KLHL24: variants seen among roughly 807,000 people sequenced by gnomAD.
KLHL24 encodes the protein kelch-like protein 24.
Under a neutral mutation model 53.4 loss-of-function variants are expected in KLHL24, and 29 were observed. The ratio of observed to expected loss-of-function variants is 0.54; its 90% CI spans 0.40 to 0.74. The LOEUF is 0.74. Ranked by LOEUF, KLHL24 falls within the 30% of genes least tolerant of loss-of-function variation. The pLI, the probability that KLHL24 is intolerant of heterozygous loss-of-function variation, is 0.00. For synonymous variants in KLHL24, 222 were observed against 253.7 expected (o/e 0.88, Z 1.19); for missense variants, 504 against 744.0 (o/e 0.68, Z 3.75).
intron 3 of KLHL24, among the ~76,000 whole-genome samples, chr3:183,661,711 A>T (rs571798178): frequency 6.6e-6 from 1 of 152,324 alleles, no homozygotes; most frequent in South Asian, 2.1e-4. Flanking sequence ...TTATTGGGCT[A>T]AGAAGTCTTG....
At position 183,664,994 on chromosome 3, in the gene KLHL24, C is replaced by T; in HGVS notation, c.1179C>T (p.Leu393=). The T allele has an allele frequency of 1.2e-6, 2 of 1,611,840 alleles. No homozygotes were observed. The highest frequency in any genetic ancestry group is 1.7e-6 in the Non-Finnish European group (2 of 1,178,342). Residue 393 remains leucine, a synonymous_variant, in exon 5 of 8, where the codon CTC becomes CTT. Coordinates refer to ENST00000242810, the MANE Select transcript of KLHL24 (RefSeq NM_017644.3). The part of the protein sequence containing the change: ...QLNIWIRVAS[L]NKGRWRHKMA... ...ATATTTGGATCAGAGTTGCCTCTCT[C>T]AATAAAGGCAGATGGCGTCACAAAA... is the stretch of plus-strand genomic sequence containing the variant.
intron 3 of KLHL24, among the ~76,000 whole-genome samples, chr3:183,659,938 C>CCGTTAATAGT: frequency 6.6e-6 from 1 of 151,952 alleles, no homozygotes; most frequent in East Asian, 1.9e-4. Context: ...TGCCCAATAG[C>CCGTTAATAGT]AACCGTTAAT....
chr3:183,676,114 T>C (rs1711805912), intron 7 of KLHL24, among the ~76,000 whole-genome samples: 1 of 152,212 alleles, frequency 6.6e-6, no homozygotes, highest in African/African-American at 2.4e-5. Flanking sequence ...CTCTCCTCTG[T>C]TTATTGTTAC....
chr3:183,664,879 A>G (rs757257158), intron 4 of KLHL24, 42 bp from the exon 5 acceptor site: 3 of 1,179,366 alleles, frequency 2.5e-6, no homozygotes, highest in East Asian at 4.8e-5. Context: ...TGACAGCTAT[A>G]TCATGATAAA....
At chr3:183,655,937 T>A (rs1356641366) in intron 3 of KLHL24, among the ~76,000 whole-genome samples, 2 of 151,418 alleles carry the variant, frequency 1.3e-5, no homozygotes, top group Non-Finnish European at 2.9e-5. Context: ...TAAAAAAAAA[T>A]TATTATTAAT....
Position 183,679,618 on chromosome 3 carries a change from T to C in KLHL24, c.*332T>C, listed in dbSNP as rs1016639873. On this transcript the variant is annotated 3_prime_UTR_variant, in exon 8 of 8. Coordinates refer to ENST00000242810, the MANE Select transcript of KLHL24 (RefSeq NM_017644.3). ...AGCGTGTGAATGGTGTCTTCACTTA[T>C]TATGTATGTTTATCTGTATGTATAT... 1 of 231,770 alleles carries C rather than the reference T, an allele frequency of 4.3e-6. No homozygotes were observed. Among genetic ancestry groups the C allele is most frequent in the Non-Finnish European group, 8.5e-6 (1 of 117,910 alleles). The allele number at this position is 231,770 out of a possible 1,614,324, so 14.4% of individuals were successfully genotyped here.
rs1007639624 is a variant in KLHL24, at chr3:183,635,667, G to C, written c.-251G>C. 6 of 152,868 alleles carry C rather than the reference G, an allele frequency of 3.9e-5. No individual in the cohort carries two copies. Among genetic ancestry groups the C allele is most frequent in the African/African-American group, 1.2e-4 (5 of 41,476 alleles). The allele number at this position is 152,868 out of a possible 1,614,324, so 9.5% of individuals were successfully genotyped here. A position where few individuals can be genotyped will look rare whatever the true frequency, so the allele number is the denominator to read the frequency against. On this transcript the variant is annotated 5_prime_UTR_variant, in exon 1 of 8. Transcript: ENST00000242810. The stretch of plus-strand genomic sequence containing the variant: ...ACTGGTGGCTGGAGGAGACGCCGGC[G>C]CTGGAGAGTGCGCTGCGCCGCCCGC...
chr3:183,653,364 C>T (rs1182532407), intron 3 of KLHL24, among the ~76,000 whole-genome samples: 1 of 152,102 alleles, frequency 6.6e-6, no homozygotes, highest in African/African-American at 2.4e-5. Context: ...CTGGAGAGAC[C>T]ACTGGGTGAA....
At chr3:183,672,591 G>A (rs367944594) in intron 7 of KLHL24, 107 bp downstream of exon 7, 55 of 843,952 alleles carry the variant, frequency 6.5e-5, no homozygotes, top group African/African-American at 2.6e-4. Context: ...CAGGCTGGGC[G>A]TGGTGGCTCA....
rs533159980 is a variant in KLHL24 at position 183,639,091 on chromosome 3, C to T, written c.-125+3298C>T. On this transcript the variant is annotated intron_variant, in intron 1 of 7. Transcript: ENST00000242810. ...CCGCAGGCGGCTGTAATCCCAGCTA[C>T]TTAGGAGGCTGAGGCAGGAGAATCA... 1.1e-4 allele frequency among the ~76,000 whole-genome samples: 16 copies of T among 151,998 alleles called. No homozygotes were observed. The East Asian group carries it at 3.1e-3, about 30-fold the overall frequency.
At chr3:183,659,088 G>A (rs1349469468) in intron 3 of KLHL24, among the ~76,000 whole-genome samples, 2 of 151,952 alleles carry the variant, frequency 1.3e-5, no homozygotes, top group African/African-American at 4.8e-5. Flanking sequence ...TACTTTTTTA[G>A]TGTAGATGAT....
Position 183,682,518 on chromosome 3 carries a change from T to C in KLHL24, c.*3232T>C, listed in dbSNP as rs1007953357. 4 of 152,610 alleles carry C rather than the reference T, an allele frequency of 2.6e-5. No homozygotes were observed. The highest frequency in any genetic ancestry group is 4.4e-5 in the Non-Finnish European group (3 of 68,026). 9.5% of individuals were successfully genotyped at this position (152,610 alleles called of 1,614,324 possible). ...TATTAACTTGTTACTTTTGCTCGTT[T>C]GGGGTGTAAAGTGCCATGACTGAAT... On this transcript the variant is annotated 3_prime_UTR_variant, in exon 8 of 8. Coordinates refer to ENST00000242810, the MANE Select transcript of KLHL24 (RefSeq NM_017644.3).
intron 2 of KLHL24, among the ~76,000 whole-genome samples, chr3:183,645,291 T>C (rs984078950): frequency 1.3e-5 from 2 of 152,230 alleles, no homozygotes; most frequent in African/African-American, 4.8e-5. Flanking sequence ...TCAGGTACAG[T>C]AGTGATCTCT....
At chr3:183,673,388 TC>T (rs939056434) in intron 7 of KLHL24, among the ~76,000 whole-genome samples, 5 of 119,068 alleles carry the variant, frequency 4.2e-5, no homozygotes, top group African/African-American at 2.6e-4. Flanking sequence ...CTTGGGCTGT[TC>T]TTTTTTTTTT....
At chr3:183,673,614 CT>C (rs1268175356) in intron 7 of KLHL24, among the ~76,000 whole-genome samples, 3 of 152,162 alleles carry the variant, frequency 2.0e-5, no homozygotes, top group African/African-American at 7.2e-5. Flanking sequence ...CCCAAAAGGC[CT>C]TTTCCCCACC....
At chr3:183,667,201 C>T (rs1230938202) in intron 5 of KLHL24, among the ~76,000 whole-genome samples, 1 of 152,136 alleles carries the variant, frequency 6.6e-6, no homozygotes, top group African/African-American at 2.4e-5. Context: ...AGGTGGATCA[C>T]GAGGTCAAGA....
rs954280740 is a variant in KLHL24 at position 183,684,168 on chromosome 3, C to G, written c.*4882C>G. 1.3e-5 allele frequency: 2 copies of G among 152,100 alleles called. No individual in the cohort carries two copies. Among genetic ancestry groups the G allele is most frequent in the African/African-American group, 4.8e-5 (2 of 41,384 alleles). The allele number at this position is 152,100 out of a possible 1,614,324, so 9.4% of individuals were successfully genotyped here. ...CCTTTTTGAAAAAGCACTTACTCTC[C>G]CCTTCCCTATCACCCCTCCCCCAAG... is the stretch of plus-strand genomic sequence containing the variant. On this transcript the variant is annotated 3_prime_UTR_variant, in exon 8 of 8. Transcript: ENST00000242810.
At chr3:183,677,705 T>C (rs1173851183) in intron 7 of KLHL24, among the ~76,000 whole-genome samples, 1 of 152,218 alleles carries the variant, frequency 6.6e-6, no homozygotes, top group African/African-American at 2.4e-5. Context: ...GAAACTTTAA[T>C]TGGAAATGGA....
At position 183,684,042 on chromosome 3, in the gene KLHL24, G is replaced by A. The variant is rs1184577109; in HGVS notation, c.*4756G>A. On this transcript the variant is annotated 3_prime_UTR_variant, in exon 8 of 8. Transcript: ENST00000242810. ...TCTATCTTACATTGATTAAACCCGTGTAAATTCATTTGCAGTATCTACATC... is the reference window on the plus strand; with the variant it reads ...TCTATCTTACATTGATTAAACCCGTATAAATTCATTTGCAGTATCTACATC... 2.0e-5 allele frequency: 3 copies of A among 152,502 alleles called. No individual in the cohort carries two copies. The highest frequency in any genetic ancestry group is 6.5e-5 in the Admixed American group (1 of 15,268). The allele number at this position is 152,502 out of a possible 1,614,324, so 9.4% of individuals were successfully genotyped here.
Sources: allele counts gnomAD v4.1 joint callset (sites outside exome capture counted in the v4.1 genomes callset), GRCh38; gene constraint gnomAD v4.1.1; transcripts MANE v1.5; gene names NCBI Gene and HGNC (gene_info 2026-07-23, HGNC 2026-07-21).